BSN: variants seen among roughly 807,000 people sequenced by gnomAD.
BSN encodes the protein protein bassoon.
BSN carries 57 observed loss-of-function variants against 264.8 expected under a neutral mutation model. The ratio of observed to expected loss-of-function variants is 0.22; its 90% CI spans 0.17 to 0.27. The LOEUF (loss-of-function observed/expected upper bound fraction) is 0.27. BSN is among the 10% of genes least tolerant of loss of function. The probability of loss-of-function intolerance (pLI) is 1.00; values close to 1 mark genes in which losing one functional copy is unlikely to be tolerated. For synonymous variants in BSN, 2,059 were observed against 2,137.3 expected (o/e 0.96, Z 1.01); for missense variants, 4,615 against 5,232.5 (o/e 0.88, Z 3.64).
intron 1 of BSN, among the ~76,000 whole-genome samples, chr3:49,561,322 AC>A (rs1575423651): frequency 6.6e-6 from 1 of 152,110 alleles, no homozygotes; most frequent in African/African-American, 2.4e-5. Context: ...AGCAAGGATC[AC>A]CCCACCCAGT....
chr3:49,582,115 G>T (rs1194455558), intron 1 of BSN, among the ~76,000 whole-genome samples: 3 of 152,104 alleles, frequency 2.0e-5, no homozygotes, highest in African/African-American at 7.2e-5. Context: ...CACCATCATT[G>T]TATGAGGGTT....
chr3:49,648,659 G>C (rs2052517477), intron 3 of BSN, among the ~76,000 whole-genome samples: 1 of 152,190 alleles, frequency 6.6e-6, no homozygotes, highest in South Asian at 2.1e-4. Flanking sequence ...ATTTTCCCCA[G>C]GCACCTCTGG....
intron 3 of BSN, among the ~76,000 whole-genome samples, chr3:49,649,012 C>T (rs1467382436): frequency 6.6e-6 from 1 of 152,216 alleles, no homozygotes; most frequent in Admixed American, 6.5e-5. Context: ...CACCAAGGCC[C>T]TGCCACCTGC....
intron 1 of BSN, among the ~76,000 whole-genome samples, chr3:49,606,126 T>TTA (rs74221092): frequency 9.2e-4 from 29 of 31,604 alleles, no homozygotes; most frequent in African/African-American, 4.6e-3. Context: ...TACGTATATA[T>TTA]TATATATACA....
At chr3:49,616,894 G>A (rs989629788) in intron 1 of BSN, among the ~76,000 whole-genome samples, 1 of 152,202 alleles carries the variant, frequency 6.6e-6, no homozygotes, top group African/African-American at 2.4e-5. Flanking sequence ...CCTGGGATGG[G>A]ACAGGAGGCC....
At chr3:49,597,541 G>C (rs1260448417) in intron 1 of BSN, among the ~76,000 whole-genome samples, 3 of 151,930 alleles carry the variant, frequency 2.0e-5, no homozygotes, top group African/African-American at 7.3e-5. Context: ...ATGTTGCCCA[G>C]GCTGTTCTTG....
rs1050399875 is a variant in BSN, at chr3:49,585,554, C to T, written c.224+30728C>T. 1.3e-5 allele frequency among the ~76,000 whole-genome samples: 2 copies of T among 152,238 alleles called. No homozygotes were observed. Among genetic ancestry groups the T allele is most frequent in the Non-Finnish European group, 1.5e-5 (1 of 68,048 alleles). On this transcript the variant is annotated intron_variant, in intron 1 of 11. Coordinates refer to ENST00000296452, the MANE Select transcript of BSN (RefSeq NM_003458.4). This position sits in a 1 kb window ranked among gnomAD's most constrained non-coding sequence, Gnocchi z 4.7. ...GCCACACATCCTTGCCTCCTCCACCCGGTCCGCCGCCGGTTTCCTTGGAAG... is the reference window on the plus strand; with the variant it reads ...GCCACACATCCTTGCCTCCTCCACCTGGTCCGCCGCCGGTTTCCTTGGAAG...
In BSN at chr3:49,605,274, C is replaced by CAT. The variant is rs1281807619; in HGVS notation, c.225-19693_225-19692dup. Among the ~76,000 whole-genome samples the CAT allele has an allele frequency of 3.1e-5, 3 of 97,730 alleles. No homozygotes were observed. The South Asian group carries it at 8.3e-4, about 27-fold the overall frequency. The allele number at this position is 97,730 out of a possible 152,430, so 64.1% of individuals were successfully genotyped here. On this transcript the variant is annotated intron_variant, in intron 1 of 11. Coordinates refer to ENST00000296452, the MANE Select transcript of BSN (RefSeq NM_003458.4). ...TCTGTCTCAAAAAAATATATATATA[C>CAT]ATATATATACATATATATTTTATAT...
chr3:49,612,062 A>T (rs1165770247), intron 1 of BSN, among the ~76,000 whole-genome samples: 2 of 152,266 alleles, frequency 1.3e-5, no homozygotes, highest in Non-Finnish European at 2.9e-5. Flanking sequence ...CAAGAGGAAT[A>T]AGAAACAGAA....
Position 49,661,936 on chromosome 3 carries a change from G to A in BSN, c.10091G>A (p.Gly3364Asp). The change falls in exon 6 of 12, where the codon GGC becomes GAC. Residue 3364 changes from glycine (G) to aspartate (D), a missense_variant. Gly to Asp is a moderately conservative substitution (Grantham distance 94, BLOSUM62 -1). Around this residue, in one of 3 missense-constraint regions of BSN, gnomAD observed 3,415 missense variants for 3,866.4 expected, o/e 0.88. Coordinates refer to ENST00000296452, the MANE Select transcript of BSN (RefSeq NM_003458.4). ...SSKRSKHRKQ[G>D]MEQKISKFSP... ...AAGCGCAGCAAGCACCGGAAGCAGG[G>A]CATGGAGCAAAAGATATCCAAGTTC... The A allele has an allele frequency of 6.2e-7, 1 of 1,613,986 alleles. No homozygotes were observed. Among genetic ancestry groups the A allele is most frequent in the Non-Finnish European group, 8.5e-7 (1 of 1,180,042 alleles).
chr3:49,615,806 T>C (rs1419359094), intron 1 of BSN, among the ~76,000 whole-genome samples: 1 of 152,178 alleles, frequency 6.6e-6, no homozygotes, highest in Admixed American at 6.5e-5. Flanking sequence ...TAAGTACACT[T>C]TCCATGGAGC....
chr3:49,570,857 G>C (rs2051790345), intron 1 of BSN, among the ~76,000 whole-genome samples: 2 of 152,178 alleles, frequency 1.3e-5, no homozygotes, highest in African/African-American at 4.8e-5. Flanking sequence ...GAAGAAAGAG[G>C]AAACTAGAAG....
intron 1 of BSN, among the ~76,000 whole-genome samples, chr3:49,600,753 G>T (rs1306441038): frequency 6.6e-6 from 1 of 152,138 alleles, no homozygotes; most frequent in African/African-American, 2.4e-5. Context: ...CTAGTGAGCT[G>T]CAGTCATGTC....
intron 11 of BSN, among the ~76,000 whole-genome samples, chr3:49,666,800 G>C (rs1388017783): frequency 6.6e-6 from 1 of 152,052 alleles, no homozygotes; most frequent in African/African-American, 2.4e-5. Context: ...GCCAGCTGGG[G>C]TGGGTTGTGC....
intron 11 of BSN, among the ~76,000 whole-genome samples, chr3:49,666,197 C>T (rs772038685): frequency 6.6e-6 from 1 of 152,318 alleles, no homozygotes; most frequent in East Asian, 1.9e-4. Flanking sequence ...CGGGGCCTGG[C>T]GGTCAGTGAG....
Position 49,664,398 on chromosome 3 carries a change from A to G in BSN, c.11609-25A>G, listed in dbSNP as rs759542796. ...TAAAGAGCCAGGCCGTGCATAGCTC[A>G]TTATGGCGATTTCTTTCCTCCTAGG... On this transcript the variant is annotated intron_variant, in intron 8 of 11. Transcript: ENST00000296452. 4 of 1,613,658 alleles carry G rather than the reference A, an allele frequency of 2.5e-6. No individual in the cohort carries two copies. The South Asian group carries it at 3.3e-5, about 13-fold the overall frequency.
rs143474442 is a variant in BSN at position 49,653,778 on chromosome 3, C to T, written c.4222C>T (p.Arg1408Cys). ...MTPASPAGSERSPSPSSTAHS... is the reference protein window; with the variant it reads ...MTPASPAGSECSPSPSSTAHS... Reference sequence around the variant, plus strand: ...TCCAGCCTCCCCAGCAGGCTCCGAGCGTAGTCCTTCACCATCTTCCACAGC... The same window carrying T: ...TCCAGCCTCCCCAGCAGGCTCCGAGTGTAGTCCTTCACCATCTTCCACAGC... The change falls in exon 5 of 12, where the codon CGT becomes TGT. Residue 1408 changes from arginine (R) to cysteine (C), a missense_variant. Physicochemically the swap from Arg to Cys is radical, Grantham distance 180 (BLOSUM62 -3). Coordinates refer to ENST00000296452, the MANE Select transcript of BSN (RefSeq NM_003458.4). The surrounding 1 kb of genome is among the most constrained non-coding windows in gnomAD (Gnocchi z 6.3). 4.3e-5 allele frequency: 70 copies of T among 1,613,982 alleles called. No homozygotes were observed. Among genetic ancestry groups the T allele is most frequent in the Non-Finnish European group, 5.6e-5 (66 of 1,180,006 alleles).
intron 1 of BSN, among the ~76,000 whole-genome samples, chr3:49,624,772 C>T (rs1161517931): frequency 6.6e-6 from 1 of 152,132 alleles, no homozygotes; most frequent in East Asian, 1.9e-4. Flanking sequence ...AATCCTGCCT[C>T]ATGCCCTGGT....
intron 3 of BSN, among the ~76,000 whole-genome samples, 178 bp from the exon 4 acceptor site, chr3:49,650,434 T>C (rs978959915): frequency 1.3e-5 from 2 of 152,192 alleles, no homozygotes; most frequent in African/African-American, 4.8e-5. Context: ...ATCTTAAAGG[T>C]AGGGGAATTT....
Sources: gnomAD v4.1 joint callset for allele counts (sites outside exome capture counted in the v4.1 genomes callset) on GRCh38, gnomAD v4.1.1 for gene constraint, gnomAD v4.1.1 regional missense constraint, Gnocchi (gnomAD v3.1) non-coding constraint, MANE v1.5 for transcripts, NCBI Gene and HGNC (gene_info 2026-07-23, HGNC 2026-07-21) for gene names.